The following FSD1L variants were observed in gnomAD, a reference collection of about 807,000 sequenced individuals.
The protein encoded by FSD1L is fibronectin type III and SPRY domain containing 1 like, also known as FSD1-like protein.
FSD1L carries 45 observed loss-of-function variants against 71.6 expected under a neutral mutation model. The ratio of observed to expected loss-of-function variants is 0.63; its 90% CI spans 0.49 to 0.81. The LOEUF is 0.81. Among genes scored for constraint, FSD1L ranks in the 30% least tolerant of loss-of-function variants. The pLI, the probability that FSD1L is intolerant of heterozygous loss-of-function variation, is 0.00. For synonymous variants in FSD1L, 197 were observed against 207.2 expected (o/e 0.95, Z 0.42); for missense variants, 561 against 618.1 (o/e 0.91, Z 0.98).
chr9:105,490,012 A>G (rs1832817257), intron 7 of FSD1L, among the ~76,000 whole-genome samples: 1 of 152,186 alleles, frequency 6.6e-6, no homozygotes, highest in African/African-American at 2.4e-5. Flanking sequence ...TCCTTTGGGT[A>G]TATACCCAGT....
chr9:105,467,321 G>A (rs10481710), intron 3 of FSD1L, among the ~76,000 whole-genome samples: 5,081 of 152,172 alleles, frequency 0.033, 144 homozygotes, highest in Non-Finnish European at 0.047. Flanking sequence ...GTGCCAGTTC[G>A]CTTCTCTTAA....
chr9:105,451,202 G>A (rs1196474102), intron 1 of FSD1L, among the ~76,000 whole-genome samples: 1 of 152,122 alleles, frequency 6.6e-6, no homozygotes, highest in East Asian at 1.9e-4. Flanking sequence ...CCCGTGATCC[G>A]CCCGCCTCGG....
chr9:105,515,840 G>A (rs1192490342), intron 10 of FSD1L, among the ~76,000 whole-genome samples: 1 of 150,706 alleles, frequency 6.6e-6, no homozygotes. Flanking sequence ...CAGTGAGACA[G>A]AACCATTCAC....
chr9:105,537,460 A>T (rs957640399), intron 12 of FSD1L, among the ~76,000 whole-genome samples: 1 of 152,060 alleles, frequency 6.6e-6, no homozygotes, highest in Non-Finnish European at 1.5e-5. Context: ...AACTACCAAG[A>T]CAACATTTGC....
chr9:105,464,895 G>T (rs1008087516), intron 3 of FSD1L, among the ~76,000 whole-genome samples: 5 of 152,192 alleles, frequency 3.3e-5, no homozygotes, highest in African/African-American at 1.2e-4. Flanking sequence ...TAGGAGGATC[G>T]TCTGAGCCCA....
At chr9:105,488,187 T>TC (rs1294256988) in intron 7 of FSD1L, among the ~76,000 whole-genome samples, 17 of 152,328 alleles carry the variant, frequency 1.1e-4, no homozygotes, top group Admixed American at 9.1e-4. Context: ...TTTTCATCGT[T>TC]CCTTACTCCC....
At position 105,508,695 on chromosome 9, in the gene FSD1L, C is replaced by G. The variant is rs1255869870; in HGVS notation, c.875C>G (p.Pro292Arg). The G allele has an allele frequency of 1.9e-6, 3 of 1,547,846 alleles. No homozygotes were observed. The highest frequency in any genetic ancestry group is 2.6e-6 in the Non-Finnish European group (3 of 1,143,448). ...NKAVAGEYSD[P>R]VTLETKALNF... ...GCTGTGGCTGGAGAGTATTCTGATCCAGTGACTCTAGAGACCAAAGGTGAG... is the reference window on the plus strand; with the variant it reads ...GCTGTGGCTGGAGAGTATTCTGATCGAGTGACTCTAGAGACCAAAGGTGAG... The change falls in exon 9 of 14, where the codon CCA becomes CGA. Residue 292 changes from proline to arginine, a missense_variant. Physicochemically the swap from Pro to Arg is moderately radical, Grantham distance 103. Around this residue, in one of 3 missense-constraint regions of FSD1L, gnomAD observed 410 missense variants for 413.5 expected, o/e 0.99. Transcript: ENST00000481272.
intron 10 of FSD1L, chr9:105,521,281 T>C (rs1364084813): frequency 3.7e-6 from 6 of 1,614,070 alleles, no homozygotes; most frequent in East Asian, 4.5e-5. Context: ...GCTGCTAGTT[T>C]AGTATCCAGA....
intron 5 of FSD1L, among the ~76,000 whole-genome samples, chr9:105,478,338 A>G (rs1831948423): frequency 6.6e-6 from 1 of 152,210 alleles, no homozygotes; most frequent in Non-Finnish European, 1.5e-5. Flanking sequence ...AATAATGAAT[A>G]GGAACAACGT....
intron 7 of FSD1L, among the ~76,000 whole-genome samples, chr9:105,501,068 C>T (rs1422679648): frequency 6.6e-6 from 1 of 152,222 alleles, no homozygotes; most frequent in East Asian, 1.9e-4. Context: ...GCTTCTCAAA[C>T]TTTAAAGTGC....
At chr9:105,545,704 C>G (rs574292174) in intron 13 of FSD1L, among the ~76,000 whole-genome samples, 9 of 152,136 alleles carry the variant, frequency 5.9e-5, no homozygotes, top group Non-Finnish European at 1.2e-4. Context: ...GTCTTTGGTT[C>G]TGTTTATATG....
chr9:105,457,743 G>A (rs1484242441), intron 1 of FSD1L, among the ~76,000 whole-genome samples: 4 of 152,214 alleles, frequency 2.6e-5, no homozygotes, highest in African/African-American at 7.2e-5. Context: ...TGCCGAGGGC[G>A]AGCCAGGCAT....
chr9:105,471,373 GTTC>G (rs1278023751), intron 4 of FSD1L, among the ~76,000 whole-genome samples: 2 of 152,066 alleles, frequency 1.3e-5, no homozygotes, highest in East Asian at 3.9e-4. Flanking sequence ...TGGACAGTTT[GTTC>G]TTCTGGCATT....
At chr9:105,544,047 C>G (rs1362751493) in intron 13 of FSD1L, among the ~76,000 whole-genome samples, 1 of 152,200 alleles carries the variant, frequency 6.6e-6, no homozygotes, top group Non-Finnish European at 1.5e-5. Flanking sequence ...ACTCTCCCAC[C>G]AACAGTGTAA....
At chr9:105,524,356 C>G in intron 10 of FSD1L, 1 of 1,613,958 alleles carries the variant, frequency 6.2e-7, no homozygotes, top group Non-Finnish European at 8.5e-7. Flanking sequence ...CTAATAGCTA[C>G]CATCACCCAT....
chr9:105,539,202 A>G, intron 12 of FSD1L, 61 bp from the exon 13 acceptor site: 2 of 772,622 alleles, frequency 2.6e-6, no homozygotes, highest in East Asian at 2.9e-5. Context: ...TATGCGTTAG[A>G]ATTAATTAAA....
intron 4 of FSD1L, among the ~76,000 whole-genome samples, chr9:105,471,310 T>A (rs1831440565): frequency 6.6e-6 from 1 of 152,190 alleles, no homozygotes; most frequent in Non-Finnish European, 1.5e-5. Context: ...CAGTTCCTAG[T>A]GCCTCATTGA....
chr9:105,508,226 G>A (rs140934409), intron 8 of FSD1L, among the ~76,000 whole-genome samples: 69 of 141,888 alleles, frequency 4.9e-4, no homozygotes, highest in Non-Finnish European at 8.7e-4. Context: ...CGCCCAGACT[G>A]GTGTGCAGTG....
chr9:105,486,753 A>C (rs1183126035), intron 7 of FSD1L, among the ~76,000 whole-genome samples: 1 of 152,188 alleles, frequency 6.6e-6, no homozygotes. Flanking sequence ...ATCTGTTTAC[A>C]TATTAAAGTT....
Sources: gnomAD v4.1 joint callset for allele counts (sites outside exome capture counted in the v4.1 genomes callset) on GRCh38, gnomAD v4.1.1 for gene constraint, gnomAD v4.1.1 regional missense constraint, MANE v1.5 for transcripts, NCBI Gene and HGNC (gene_info 2026-07-23, HGNC 2026-07-21) for gene names.